Variants in SOS2 observed in about 807,000 individuals in gnomAD.
SOS2 encodes the protein son of sevenless homolog 2.
SOS2 carries 65 observed loss-of-function variants against 148.2 expected under a neutral mutation model. That is an observed-to-expected ratio of 0.44 (90% CI 0.36 to 0.54). The LOEUF is 0.54. Ranked by LOEUF, SOS2 falls within the 20% of genes least tolerant of loss-of-function variation. The pLI is 0.00. For missense variants in SOS2, 1,341 were observed against 1,590.2 expected (o/e 0.84, Z 2.67); for synonymous variants, 539 against 537.1 (o/e 1.00, Z -0.05).
chr14:50,146,760 G>T (rs1173302937), intron 14 of SOS2, among the ~76,000 whole-genome samples: 1 of 152,308 alleles, frequency 6.6e-6, no homozygotes, highest in Non-Finnish European at 1.5e-5. Context: ...ATAAATTGTG[G>T]AGTATAAATA....
At chr14:50,205,585 C>T (rs916577306) in intron 1 of SOS2, among the ~76,000 whole-genome samples, 4 of 152,186 alleles carry the variant, frequency 2.6e-5, no homozygotes, top group South Asian at 2.1e-4. Context: ...GATTAGTCTA[C>T]GATTTAGACT....
chr14:50,203,322 C>T (rs952061986), intron 2 of SOS2, among the ~76,000 whole-genome samples: 1 of 152,070 alleles, frequency 6.6e-6, no homozygotes, highest in African/African-American at 2.4e-5. Context: ...GAGCCAAGAT[C>T]ACACCACTGT....
chr14:50,226,616 G>C (rs1014850333), intron 1 of SOS2, among the ~76,000 whole-genome samples: 1 of 152,274 alleles, frequency 6.6e-6, no homozygotes, highest in East Asian at 1.9e-4. Context: ...TGGGGAGGTC[G>C]ATATTTAACC....
intron 1 of SOS2, among the ~76,000 whole-genome samples, chr14:50,230,316 G>A (rs905198924): frequency 6.6e-6 from 1 of 152,058 alleles, no homozygotes; most frequent in African/African-American, 2.4e-5. Context: ...CTGCATTAAC[G>A]GCAAAGAAAG....
chr14:50,206,201 T>C (rs1051224375), intron 1 of SOS2, among the ~76,000 whole-genome samples: 2 of 152,236 alleles, frequency 1.3e-5, no homozygotes, highest in African/African-American at 4.8e-5. Context: ...AGATGGATAC[T>C]TTGCTCATTT....
chr14:50,178,711 T>TATACAC (rs1237281191), intron 7 of SOS2, among the ~76,000 whole-genome samples: 1 of 120,428 alleles, frequency 8.3e-6, no homozygotes, highest in South Asian at 2.7e-4. Flanking sequence ...TATATATATA[T>TATACAC]ACACACATAT....
chr14:50,175,452 C>CTTTTTTTTTT (rs1885494024), intron 7 of SOS2, among the ~76,000 whole-genome samples: 1 of 103,860 alleles, frequency 9.6e-6, no homozygotes, highest in Non-Finnish European at 1.9e-5. Flanking sequence ...TTTTTTTTTC[C>CTTTTTTTTTT]TGTTTGGTGC....
intron 13 of SOS2, among the ~76,000 whole-genome samples, chr14:50,151,652 T>C (rs1485463902): frequency 6.6e-6 from 1 of 152,228 alleles, no homozygotes; most frequent in Admixed American, 6.5e-5. Context: ...CTTAATTTAT[T>C]CTAATGTGTG....
At chr14:50,177,234 C>A (rs999352772) in intron 7 of SOS2, among the ~76,000 whole-genome samples, 1 of 151,934 alleles carries the variant, frequency 6.6e-6, no homozygotes, top group East Asian at 1.9e-4. Context: ...GCAGGAGAAT[C>A]GCTTTAACCC....
At chr14:50,145,365 G>C in intron 15 of SOS2, 33 bp from the exon 16 acceptor site, 1 of 1,577,836 alleles carries the variant, frequency 6.3e-7, no homozygotes, top group Non-Finnish European at 8.6e-7. Flanking sequence ...GCTTAGAAAA[G>C]TTTCTTCACC....
chr14:50,210,220 G>C (rs539081947), intron 1 of SOS2, among the ~76,000 whole-genome samples: 3 of 152,298 alleles, frequency 2.0e-5, no homozygotes, highest in South Asian at 2.1e-4. Flanking sequence ...GGACATAACA[G>C]AGTCCACAAA....
At position 50,192,096 on chromosome 14, in the gene SOS2, G is replaced by A. The variant is rs185206540; in HGVS notation, c.511-3396C>T. ...GAGCTCTGGAGGTTGAGGCTGCAGT[G>A]AGCCGTGTTCACACCACCGTACTCC... On this transcript the variant is annotated intron_variant, in intron 4 of 22. Coordinates refer to ENST00000216373, the MANE Select transcript of SOS2 (RefSeq NM_006939.4). Among the ~76,000 whole-genome samples, 3 of 140,270 alleles carry A rather than the reference G, an allele frequency of 2.1e-5. No individual in the cohort carries two copies. In the East Asian group the frequency reaches 6.6e-4, roughly 31 times the overall value. 92.0% of individuals were successfully genotyped at this position (140,270 alleles called of 152,430 possible).
At chr14:50,203,740 T>G (rs1232744828) in intron 2 of SOS2, among the ~76,000 whole-genome samples, 2 of 152,034 alleles carry the variant, frequency 1.3e-5, no homozygotes, top group Non-Finnish European at 2.9e-5. Context: ...TTGTTGAGTT[T>G]TAGAAATGCT....
chr14:50,174,479 C>T lies in SOS2; in HGVS notation c.1043G>A (p.Cys348Tyr), dbSNP rs1885462833. 2 of 1,605,698 alleles carry T rather than the reference C, an allele frequency of 1.2e-6. No homozygotes were observed. Among genetic ancestry groups the T allele is most frequent in the African/African-American group, 1.3e-5 (1 of 74,810 alleles). The change falls in exon 8 of 23, where the codon TGT becomes TAT. Residue 348 changes from cysteine to tyrosine, a missense_variant. By Grantham distance (194) the Cys-to-Tyr change is radical. This residue lies in a region of SOS2 where 574 missense variants were observed against 711.1 expected (regional missense o/e 0.81). Coordinates refer to ENST00000216373, the MANE Select transcript of SOS2 (RefSeq NM_006939.4). ...PRLMLVPVYH[C>Y]WHYFELLKQL... ...CTTTAGTAACTCAAAGTAGTGCCAA[C>T]AGTGATACACTGGCACCAGCATAAG...
At chr14:50,149,785 T>C (rs1594973578) in intron 14 of SOS2, among the ~76,000 whole-genome samples, 2 of 152,146 alleles carry the variant, frequency 1.3e-5, no homozygotes, top group South Asian at 4.2e-4. Flanking sequence ...TTGAAAATCT[T>C]CCTGCCATTC....
At chr14:50,209,274 C>CGTGTGTGTGTCTGTGTGTGTGTGTGT (rs1886780957) in intron 1 of SOS2, among the ~76,000 whole-genome samples, 8 of 118,378 alleles carry the variant, frequency 6.8e-5, no homozygotes, top group Non-Finnish European at 1.5e-4. Context: ...CCTTAAATGT[C>CGTGTGTGTGTCTGTGTGTGTGTGTGT]GTGTGTGTGT....
At chr14:50,202,569 AC>A (rs1444858464) in intron 2 of SOS2, among the ~76,000 whole-genome samples, 2 of 152,086 alleles carry the variant, frequency 1.3e-5, no homozygotes, top group Admixed American at 6.6e-5. Context: ...CCCTGTCTCT[AC>A]AAAAAAATTT....
intron 5 of SOS2, among the ~76,000 whole-genome samples, chr14:50,187,417 G>C (rs937599139): frequency 6.9e-6 from 1 of 145,050 alleles, no homozygotes; most frequent in Non-Finnish European, 1.5e-5. Context: ...GCGTGATCTC[G>C]GCTCACTGCA....
At chr14:50,182,160 G>A (rs1334672077) in intron 6 of SOS2, among the ~76,000 whole-genome samples, 1 of 151,772 alleles carries the variant, frequency 6.6e-6, no homozygotes, top group Non-Finnish European at 1.5e-5. Context: ...TTTTTATAAT[G>A]GCCAGTGGTA....
Sources: allele counts gnomAD v4.1 joint callset (sites outside exome capture counted in the v4.1 genomes callset), GRCh38; gene constraint gnomAD v4.1.1; regional missense constraint gnomAD v4.1.1; transcripts MANE v1.5; gene names NCBI Gene and HGNC (gene_info 2026-07-23, HGNC 2026-07-21).